DDX19A: variants seen among roughly 807,000 people sequenced by gnomAD.
The protein encoded by DDX19A is DEAD-box helicase 19A.
Under a neutral mutation model 60.6 loss-of-function variants are expected in DDX19A, and 12 were observed. The ratio of observed to expected loss-of-function variants is 0.20; its 90% CI spans 0.13 to 0.32. The LOEUF (loss-of-function observed/expected upper bound fraction) is 0.32. Among genes scored for constraint, DDX19A ranks in the 10% least tolerant of loss-of-function variants. The pLI, the probability that DDX19A is intolerant of heterozygous loss-of-function variation, is 1.00. For synonymous variants in DDX19A, 206 were observed against 218.2 expected (o/e 0.94, Z 0.49); for missense variants, 337 against 600.6 (o/e 0.56, Z 4.59).
Position 70,365,150 on chromosome 16 carries a change from A to T in DDX19A, c.604+19A>T. The T allele has an allele frequency of 1.3e-6, 2 of 1,542,212 alleles. No individual in the cohort carries two copies. The highest frequency in any genetic ancestry group is 2.2e-5 in the South Asian group (2 of 89,642). On this transcript the variant is annotated intron_variant, in intron 7 of 11. Transcript: ENST00000302243. The stretch of plus-strand genomic sequence containing the variant: ...AATAAATGTGAGTACGGCAGGCGAC[A>T]ACTGAACAGTGAGCAGGGTAGGGGG...
intron 1 of DDX19A, chr16:70,348,014 A>G (rs981059299): frequency 3.1e-5 from 14 of 449,760 alleles, no homozygotes; most frequent in Admixed American, 2.4e-4. Flanking sequence ...TGAGAGGGCT[A>G]TTGACAGAAT....
rs1142620 is a variant in DDX19A, at chr16:70,364,624, G to A, written c.468G>A (p.Glu156=). 1.9e-6 allele frequency: 3 copies of A among 1,614,172 alleles called. No individual in the cohort carries two copies. The Admixed American group carries it at 5.0e-5, about 27-fold the overall frequency. ...TCTTAGCCATGCTCAGCCGAGTGGA[G>A]CCATCAGACAGATACCCCCAGGTGA... ...AFVLAMLSRV[E]PSDRYPQCLC... The change falls in exon 6 of 12, where the codon GAG becomes GAA. Residue 156 remains glutamate, a synonymous_variant. Coordinates refer to ENST00000302243, the MANE Select transcript of DDX19A (RefSeq NM_018332.5).
chr16:70,355,338 G>T, intron 2 of DDX19A, 147 bp from the exon 3 acceptor site: 1 of 612,394 alleles, frequency 1.6e-6, no homozygotes. Flanking sequence ...TTGCGCCATT[G>T]CACTCCAGCC....
intron 2 of DDX19A, among the ~76,000 whole-genome samples, chr16:70,353,823 C>G (rs1964100977): frequency 6.6e-6 from 1 of 151,514 alleles, no homozygotes; most frequent in Non-Finnish European, 1.5e-5. Context: ...ATCACTTGAA[C>G]CTGGGGGGCA....
At position 70,361,509 on chromosome 16, in the gene DDX19A, C is replaced by A; in HGVS notation, c.385C>A (p.Pro129Thr). 6.2e-7 allele frequency: 1 copy of A among 1,608,266 alleles called. No homozygotes were observed. Among genetic ancestry groups the A allele is most frequent in the Non-Finnish European group, 8.5e-7 (1 of 1,175,574 alleles). Residue 129 changes from proline to threonine, a missense_variant and splice_region_variant, in exon 5 of 12, where the codon CCC becomes ACC. Pro to Thr is a conservative substitution (Grantham distance 38, BLOSUM62 -1). Around this residue, in one of 6 missense-constraint regions of DDX19A, gnomAD observed 127 missense variants for 160.3 expected, o/e 0.79. Transcript: ENST00000302243. ...CGCATTACCCATGATGCTTGCTGAA[C>A]CGTGAGTATGCAGATGAAGCGCATC... The part of the protein sequence containing the change: ...ENALPMMLAE[P>T]PQNLIAQSQS...
At position 70,370,291 on chromosome 16, in the gene DDX19A, T is replaced by C; in HGVS notation, c.1089T>C (p.Ser363=). The C allele has an allele frequency of 6.2e-7, 1 of 1,612,602 alleles. No individual in the cohort carries two copies. Among genetic ancestry groups the C allele is most frequent in the Non-Finnish European group, 8.5e-7 (1 of 1,179,606 alleles). Residue 363 remains serine, a synonymous_variant, in exon 10 of 12, where the codon AGT becomes AGC. Coordinates refer to ENST00000302243, the MANE Select transcript of DDX19A (RefSeq NM_018332.5). The part of the protein sequence containing the change: ...SKEGHQVALL[S]GEMMVEQRAA... ...AAGGCCACCAGGTGGCTCTGCTGAG[T>C]GGGGAGATGATGGTGGAGCAGAGGG...
At position 70,366,068 on chromosome 16, in the gene DDX19A, C is replaced by T. The variant is rs560941536; in HGVS notation, c.605-17C>T. On this transcript the variant is annotated splice_polypyrimidine_tract_variant and intron_variant, in intron 7 of 11. Coordinates refer to ENST00000302243, the MANE Select transcript of DDX19A (RefSeq NM_018332.5). ...TTGCCTTTGAAATACCTATGAAAAT[C>T]ACCTGGGTCTCCACAGTGGAAAGAG... 1 of 1,614,196 alleles carries T rather than the reference C, an allele frequency of 6.2e-7. No individual in the cohort carries two copies. Among genetic ancestry groups the T allele is most frequent in the South Asian group, 1.1e-5 (1 of 91,086 alleles).
At chr16:70,355,099 G>A (rs1336912062) in intron 2 of DDX19A, among the ~76,000 whole-genome samples, 2 of 152,016 alleles carry the variant, frequency 1.3e-5, no homozygotes, top group African/African-American at 4.8e-5. Context: ...CAGGCTGGAC[G>A]CTGTGGCTCA....
rs1352334153 is a variant in DDX19A at position 70,346,966 on chromosome 16, C to A, written c.-26C>A. The A allele has an allele frequency of 6.8e-6, 11 of 1,608,082 alleles. No homozygotes were observed. In the Admixed American group the frequency reaches 1.9e-4, roughly 27 times the overall value. The stretch of plus-strand genomic sequence containing the variant: ...CGACGTGGTGCAGCGCATATTTTCA[C>A]AAGTGGGTCTCCCTTGTCCGGGACT... On this transcript the variant is annotated 5_prime_UTR_variant, in exon 1 of 12. Transcript: ENST00000302243.
Position 70,346,937 on chromosome 16 carries a change from G to C in DDX19A, c.-55G>C, listed in dbSNP as rs1322069230. Reference sequence around the variant, plus strand: ...CGCCGGTGGCGAGGTTAGGGCCCGCGTTGCGACGTGGTGCAGCGCATATTT... The same window carrying C: ...CGCCGGTGGCGAGGTTAGGGCCCGCCTTGCGACGTGGTGCAGCGCATATTT... On this transcript the variant is annotated 5_prime_UTR_variant, in exon 1 of 12. Coordinates refer to ENST00000302243, the MANE Select transcript of DDX19A (RefSeq NM_018332.5). 6.4e-7 allele frequency: 1 copy of C among 1,567,164 alleles called. No homozygotes were observed. The highest frequency in any genetic ancestry group is 8.7e-7 in the Non-Finnish European group (1 of 1,151,668).
intron 2 of DDX19A, among the ~76,000 whole-genome samples, chr16:70,352,233 A>C (rs1221012175): frequency 1.3e-5 from 2 of 152,016 alleles, no homozygotes; most frequent in African/African-American, 4.8e-5. Context: ...TTCACTCAAC[A>C]GTATCCCTTG....
intron 10 of DDX19A, chr16:70,371,151 C>A: frequency 1.3e-6 from 1 of 743,118 alleles, no homozygotes; most frequent in Non-Finnish European, 2.2e-6. Context: ...AGAGGATTAC[C>A]GACTGATCTC....
At chr16:70,367,233 CCTGA>C (rs1964545549) in intron 9 of DDX19A, among the ~76,000 whole-genome samples, 2 of 151,370 alleles carry the variant, frequency 1.3e-5, no homozygotes, top group African/African-American at 4.9e-5. Flanking sequence ...TCGAGACCAT[CCTGA>C]CTAACACGGT....
At chr16:70,370,127 T>A in intron 9 of DDX19A, 96 bp from the exon 10 acceptor site, 1 of 1,463,508 alleles carries the variant, frequency 6.8e-7, no homozygotes, top group East Asian at 2.5e-5. Context: ...AGCCCAGGAC[T>A]TTTTAGATCA....
chr16:70,364,936 A>G lies in DDX19A; in HGVS notation c.490-81A>G, dbSNP rs919995646. ...TGCTTCCCTGTGCTATTCAAGTGCTAATAACATCAGCATACTGGGTGCCTT... is the reference window on the plus strand; with the variant it reads ...TGCTTCCCTGTGCTATTCAAGTGCTGATAACATCAGCATACTGGGTGCCTT... On this transcript the variant is annotated intron_variant, in intron 6 of 11. Transcript: ENST00000302243. The G allele has an allele frequency of 9.5e-6, 10 of 1,047,720 alleles. No homozygotes were observed. In the African/African-American group the frequency reaches 1.2e-4, roughly 13 times the overall value. 64.9% of individuals were successfully genotyped at this position (1,047,720 alleles called of 1,614,324 possible).
At chr16:70,362,426 T>C (rs1315734118) in intron 5 of DDX19A, among the ~76,000 whole-genome samples, 2 of 131,378 alleles carry the variant, frequency 1.5e-5, no homozygotes, top group Non-Finnish European at 3.3e-5. Flanking sequence ...ACAAACAAAA[T>C]ATTATTTGGA....
intron 4 of DDX19A, among the ~76,000 whole-genome samples, chr16:70,357,488 G>T (rs942162851): frequency 1.5e-5 from 2 of 136,788 alleles, no homozygotes; most frequent in African/African-American, 5.4e-5. Flanking sequence ...AGGTCCAAGC[G>T]ATTCTCCTGC....
intron 7 of DDX19A, chr16:70,365,466 GA>G: frequency 5.0e-6 from 1 of 201,052 alleles, no homozygotes; most frequent in Non-Finnish European, 1.0e-5. Flanking sequence ...ACTGAGGATG[GA>G]AGGTTGGGGT....
chr16:70,360,357 G>C (rs980268501), intron 4 of DDX19A, among the ~76,000 whole-genome samples: 5 of 112,468 alleles, frequency 4.4e-5, no homozygotes, highest in African/African-American at 1.1e-4. Context: ...ACCTGGCCTT[G>C]TTGCCCAGCC....
Sources: gnomAD v4.1 joint callset for allele counts (sites outside exome capture counted in the v4.1 genomes callset) on GRCh38, gnomAD v4.1.1 for gene constraint, gnomAD v4.1.1 regional missense constraint, MANE v1.5 for transcripts, NCBI Gene and HGNC (gene_info 2026-07-23, HGNC 2026-07-21) for gene names.